The following MAP2 variants were observed in gnomAD, a reference collection of about 807,000 sequenced individuals.
The protein encoded by MAP2 is microtubule associated protein 2.
In MAP2, 14 loss-of-function variants were observed where a neutral mutation model predicts 137.6. The observed-to-expected ratio is 0.10, with a 90% CI of 0.07 to 0.16. The LOEUF is 0.16. Among genes scored for constraint, MAP2 ranks in the 10% least tolerant of loss-of-function variants. MAP2 has a pLI of 1.00. For missense variants in MAP2, 2,088 were observed against 2,191.5 expected (o/e 0.95, Z 0.94); for synonymous variants, 786 against 782.3 (o/e 1.00, Z -0.08).
intron 10 of MAP2, among the ~76,000 whole-genome samples, chr2:209,699,178 G>A (rs1274865106): frequency 6.6e-6 from 1 of 152,094 alleles, no homozygotes. Context: ...GTAAGGCATC[G>A]TTTTCACTGC....
At chr2:209,487,610 A>T (rs1471274569) in intron 1 of MAP2, among the ~76,000 whole-genome samples, 1 of 152,242 alleles carries the variant, frequency 6.6e-6, no homozygotes, top group African/African-American at 2.4e-5. Context: ...CAAATAATTA[A>T]TAATGCATTC....
rs751066901 is a variant in MAP2, at chr2:209,696,140, T to G, written c.3970T>G (p.Ser1324Ala). 2.5e-6 allele frequency: 4 copies of G among 1,612,832 alleles called. No homozygotes were observed. The African/African-American group carries it at 5.3e-5, about 22-fold the overall frequency. Residue 1324 changes from serine to alanine, a missense_variant, in exon 8 of 16, where the codon TCT becomes GCT. This residue lies in a region of MAP2 where 591 missense variants were observed against 642.6 expected (regional missense o/e 0.92). Coordinates refer to ENST00000682079, the MANE Select transcript of MAP2 (RefSeq NM_001375505.1). ...GCAGCCTGAGGTGGAAAGGAGACCA[T>G]CTCCTCATGATGAAGAAGAGTTTGA... ...LEQPEVERRP[S>A]PHDEEEFEVE...
At chr2:209,686,915 CTA>C (rs2057219671) in intron 7 of MAP2, among the ~76,000 whole-genome samples, 1 of 152,038 alleles carries the variant, frequency 6.6e-6, no homozygotes, top group Non-Finnish European at 1.5e-5. Context: ...TGTATCTCTG[CTA>C]AGCTTTCAGA....
At chr2:209,440,377 G>C (rs1481570777) in intron 1 of MAP2, among the ~76,000 whole-genome samples, 2 of 151,442 alleles carry the variant, frequency 1.3e-5, no homozygotes, top group Non-Finnish European at 3.0e-5. Context: ...CTCTTAAAAA[G>C]AAAAAGAAAC....
intron 2 of MAP2, among the ~76,000 whole-genome samples, chr2:209,558,580 T>C (rs112318578): frequency 0.019 from 2,943 of 151,454 alleles, 95 homozygotes; most frequent in African/African-American, 0.068. Flanking sequence ...TTCTCATTAC[T>C]ACAATACTGT....
At chr2:209,548,330 G>C (rs1261418780) in intron 2 of MAP2, among the ~76,000 whole-genome samples, 1 of 152,216 alleles carries the variant, frequency 6.6e-6, no homozygotes, top group Non-Finnish European at 1.5e-5. Context: ...CTTACATTCA[G>C]AGGGACAATT....
chr2:209,429,045 C>T (rs1327592555), intron 1 of MAP2, among the ~76,000 whole-genome samples: 1 of 152,060 alleles, frequency 6.6e-6, no homozygotes, highest in African/African-American at 2.4e-5. Flanking sequence ...GCTCCGCCCC[C>T]CGGGTTCACG....
chr2:209,694,880 G>A lies in MAP2; in HGVS notation c.2710G>A (p.Val904Ile). Reference sequence around the variant, plus strand: ...CTTTTACGAAGGCACTGATGATAAAGTTCGAAGAGATTTGGCCACAGACCT... The same window carrying A: ...CTTTTACGAAGGCACTGATGATAAAATTCGAAGAGATTTGGCCACAGACCT... ...GTFYEGTDDKVRRDLATDLSL... is the reference protein window; with the variant it reads ...GTFYEGTDDKIRRDLATDLSL... Residue 904 changes from valine to isoleucine, a missense_variant, in exon 8 of 16, where the codon GTT becomes ATT. Val to Ile is a conservative substitution (Grantham distance 29, BLOSUM62 3). Coordinates refer to ENST00000682079, the MANE Select transcript of MAP2 (RefSeq NM_001375505.1). 1 of 1,614,202 alleles carries A rather than the reference G, an allele frequency of 6.2e-7. No individual in the cohort carries two copies. The highest frequency in any genetic ancestry group is 8.5e-7 in the Non-Finnish European group (1 of 1,180,028).
chr2:209,673,631 A>G (rs1452606341), intron 5 of MAP2, among the ~76,000 whole-genome samples: 4 of 151,876 alleles, frequency 2.6e-5, no homozygotes, highest in Non-Finnish European at 5.9e-5. Context: ...AGATTACAAT[A>G]AGCAGTTTTA....
intron 2 of MAP2, among the ~76,000 whole-genome samples, chr2:209,559,479 CAAAAA>C (rs59788211): frequency 6.4e-4 from 24 of 37,544 alleles, no homozygotes; most frequent in African/African-American, 1.8e-3. Flanking sequence ...GCCAAAAATA[CAAAAA>C]AAAAAAAAAA....
chr2:209,583,750 C>T (rs528604459), intron 3 of MAP2, among the ~76,000 whole-genome samples: 19 of 143,908 alleles, frequency 1.3e-4, no homozygotes, highest in African/African-American at 3.1e-4. Context: ...TCACTGGTAC[C>T]GTAAGAGAGA....
At chr2:209,511,956 G>A (rs1345274256) in intron 2 of MAP2, among the ~76,000 whole-genome samples, 1 of 152,028 alleles carries the variant, frequency 6.6e-6, no homozygotes, top group Non-Finnish European at 1.5e-5. Flanking sequence ...GAACAGGGTG[G>A]ATGTTGTGCT....
intron 3 of MAP2, among the ~76,000 whole-genome samples, chr2:209,592,797 A>T (rs1194827692): frequency 1.3e-5 from 2 of 150,840 alleles, no homozygotes; most frequent in Non-Finnish European, 2.9e-5. Flanking sequence ...ATTTTTAATG[A>T]TATCTTTTTA....
intron 3 of MAP2, among the ~76,000 whole-genome samples, chr2:209,587,348 A>G (rs994124821): frequency 6.6e-6 from 1 of 152,108 alleles, no homozygotes; most frequent in African/African-American, 2.4e-5. Context: ...GGAACAGAAG[A>G]TAGTCTCTGA....
In MAP2 at chr2:209,692,904, T is replaced by G. The variant is rs763131046; in HGVS notation, c.734T>G (p.Leu245Arg). The G allele has an allele frequency of 2.1e-5, 34 of 1,613,984 alleles. No homozygotes were observed. Among genetic ancestry groups the G allele is most frequent in the Non-Finnish European group, 2.7e-5 (32 of 1,179,984 alleles). Residue 245 changes from leucine to arginine, a missense_variant, in exon 8 of 16, where the codon CTT becomes CGT. This residue lies in a region of MAP2 where 859 missense variants were observed against 794.5 expected (regional missense o/e 1.08). Coordinates refer to ENST00000682079, the MANE Select transcript of MAP2 (RefSeq NM_001375505.1). ...EDMKQKTEPS[L>R]VVPGIDLPKE... ...ATGAAACAGAAGACAGAACCAAGCC[T>G]TGTAGTACCTGGCATTGACCTCCCT...
chr2:209,707,311 T>G (rs1392502618), intron 12 of MAP2, among the ~76,000 whole-genome samples: 1 of 152,166 alleles, frequency 6.6e-6, no homozygotes, highest in African/African-American at 2.4e-5. Flanking sequence ...ATTGTATTAT[T>G]TGATAGTGAA....
chr2:209,670,147 T>C (rs1348271983), intron 5 of MAP2, among the ~76,000 whole-genome samples: 3 of 151,950 alleles, frequency 2.0e-5, no homozygotes, highest in Non-Finnish European at 4.4e-5. Context: ...CTATTGAAAA[T>C]TTCAGGGGAG....
chr2:209,702,844 G>T (rs1583993105), intron 11 of MAP2, among the ~76,000 whole-genome samples: 1 of 152,060 alleles, frequency 6.6e-6, no homozygotes, highest in East Asian at 1.9e-4. Context: ...CTTATGTCCT[G>T]TTGTAGCCAC....
intron 1 of MAP2, among the ~76,000 whole-genome samples, chr2:209,499,529 C>A (rs895430800): frequency 1.3e-5 from 2 of 152,162 alleles, no homozygotes; most frequent in Non-Finnish European, 2.9e-5. Flanking sequence ...TATAGCAACA[C>A]CCCACTCTTC....
Sources: allele counts gnomAD v4.1 joint callset (sites outside exome capture counted in the v4.1 genomes callset), GRCh38; gene constraint gnomAD v4.1.1; regional missense constraint gnomAD v4.1.1; transcripts MANE v1.5; gene names NCBI Gene and HGNC (gene_info 2026-07-23, HGNC 2026-07-21).